LARGE1: variants seen among roughly 807,000 people sequenced by gnomAD.
LARGE1 encodes the protein xylosyl- and glucuronyltransferase LARGE1.
Under a neutral mutation model 87.6 loss-of-function variants are expected in LARGE1, and 43 were observed. That is an observed-to-expected ratio of 0.49 (90% CI 0.38 to 0.63). The LOEUF is 0.63. Among genes scored for constraint, LARGE1 ranks in the 30% least tolerant of loss-of-function variants. The pLI is 0.00. For missense variants in LARGE1, 802 were observed against 1,000.2 expected, an observed-to-expected ratio of 0.80 and a Z score of 2.67; for synonymous variants, 434 against 394.6, an observed-to-expected ratio of 1.10 and a Z score of -1.18.
At chr22:33,079,681 C>T in the LARGE1 span, among the ~76,000 whole-genome samples, 14 of 152,262 alleles carry the variant, frequency 9.2e-5, no homozygotes, top group Admixed American at 4.6e-4. Context: ...CAACCCAGTT[C>T]GTTTAAGGAA....
At chr22:33,289,997 G>A (rs1480682159) in intron 12 of LARGE1, among the ~76,000 whole-genome samples, 3 of 152,142 alleles carry the variant, frequency 2.0e-5, no homozygotes, top group Non-Finnish European at 4.4e-5. Flanking sequence ...GGGTAGGGGT[G>A]GGTGCAGATG....
At chr22:33,172,902 C>A (rs1158426935) in intron 11 of LARGE1, among the ~76,000 whole-genome samples, 1 of 152,148 alleles carries the variant, frequency 6.6e-6, no homozygotes, top group Non-Finnish European at 1.5e-5. Context: ...CTGAAAGTGA[C>A]AGGGAGAATG....
the LARGE1 span, among the ~76,000 whole-genome samples, chr22:33,133,335 C>G: frequency 6.6e-6 from 1 of 152,160 alleles, no homozygotes; most frequent in Non-Finnish European, 1.5e-5. Flanking sequence ...CCCCTAGTCC[C>G]CTGCCCCTGA....
intron 11 of LARGE1, among the ~76,000 whole-genome samples, chr22:33,307,491 C>A (rs906398212): frequency 6.6e-6 from 1 of 152,188 alleles, no homozygotes; most frequent in Non-Finnish European, 1.5e-5. Flanking sequence ...CCCACTCTTT[C>A]CCCTCCTCAG....
intron 6 of LARGE1, among the ~76,000 whole-genome samples, chr22:33,503,828 AAAAAC>A (rs1213985919): frequency 2.0e-5 from 3 of 151,924 alleles, no homozygotes; most frequent in Non-Finnish European, 2.9e-5. Context: ...AAAAACACCA[AAAAAC>A]AAAACAAAAC....
At chr22:33,862,571 G>A (rs973692432) in intron 1 of LARGE1, among the ~76,000 whole-genome samples, 6 of 152,116 alleles carry the variant, frequency 3.9e-5, no homozygotes, top group African/African-American at 1.4e-4. Flanking sequence ...TGACCGCCAG[G>A]GCCGAATCAC....
chr22:33,114,235 A>G, the LARGE1 span, among the ~76,000 whole-genome samples: 5 of 152,278 alleles, frequency 3.3e-5, no homozygotes, highest in African/African-American at 4.8e-5. Context: ...TAGCTAATAG[A>G]GGCTAAATGC....
intron 6 of LARGE1, among the ~76,000 whole-genome samples, chr22:33,483,257 C>A (rs566326491): frequency 7.2e-5 from 11 of 152,224 alleles, no homozygotes; most frequent in Middle Eastern, 3.4e-3. Context: ...TTCAGAGGAC[C>A]CCAATACGGG....
chr22:33,656,061 G>A lies in LARGE1; in HGVS notation c.107-5393C>T, dbSNP rs554158748. 1.2e-4 allele frequency among the ~76,000 whole-genome samples: 5 copies of A among 43,318 alleles called. No individual in the cohort carries two copies. The South Asian group carries it at 5.0e-3, about 43-fold the overall frequency. The allele number at this position is 43,318 out of a possible 152,430, so 28.4% of individuals were successfully genotyped here. On this transcript the variant is annotated intron_variant, in intron 2 of 14. Coordinates refer to ENST00000397394, the MANE Select transcript of LARGE1 (RefSeq NM_133642.5). ...GGGACATGGGAGCATAAGCATGAGTGTGTGTGTGTGTGTGTGTGTGTGTAC... is the reference window on the plus strand; with the variant it reads ...GGGACATGGGAGCATAAGCATGAGTATGTGTGTGTGTGTGTGTGTGTGTAC...
chr22:33,390,940 G>T (rs1048918796), intron 7 of LARGE1, among the ~76,000 whole-genome samples: 1 of 152,004 alleles, frequency 6.6e-6, no homozygotes, highest in Non-Finnish European at 1.5e-5. Context: ...CAAGTGATCC[G>T]CCCACCTTGG....
At chr22:33,140,815 C>T in the LARGE1 span, among the ~76,000 whole-genome samples, 4 of 152,254 alleles carry the variant, frequency 2.6e-5, no homozygotes, top group East Asian at 1.9e-4. Context: ...AGCTTGCAGA[C>T]GGCCTATTGT....
chr22:33,657,640 C>A (rs1173239822), intron 2 of LARGE1, among the ~76,000 whole-genome samples: 1 of 152,102 alleles, frequency 6.6e-6, no homozygotes, highest in African/African-American at 2.4e-5. Context: ...GGATCCTGTC[C>A]TAGAACATTG....
intron 1 of LARGE1, among the ~76,000 whole-genome samples, chr22:33,898,874 GCCT>G (rs1385310294): frequency 3.9e-5 from 6 of 152,178 alleles, no homozygotes; most frequent in Non-Finnish European, 2.9e-5. Context: ...GTTCCCTCCT[GCCT>G]CCTCATTCCC....
chr22:33,547,366 T>C (rs1265718714), intron 6 of LARGE1, among the ~76,000 whole-genome samples: 1 of 150,820 alleles, frequency 6.6e-6, no homozygotes, highest in Admixed American at 6.6e-5. Flanking sequence ...TGCGCTACTA[T>C]GGGAATCTAA....
At position 33,493,253 on chromosome 22, in the gene LARGE1, C is replaced by T. The variant is rs1419031347; in HGVS notation, c.788-60988G>A. On this transcript the variant is annotated intron_variant, in intron 6 of 14. Transcript: ENST00000397394. ...TCGGCTCGCTGCAACCTTCACCTCC[C>T]GGGTTCAAGTGATTCTCCTGCCTCA... is the stretch of plus-strand genomic sequence containing the variant. 7.3e-5 allele frequency among the ~76,000 whole-genome samples: 11 copies of T among 151,284 alleles called. No homozygotes were observed. The East Asian group carries it at 7.8e-4, about 11-fold the overall frequency.
At chr22:33,633,868 G>T (rs765431451) in intron 3 of LARGE1, among the ~76,000 whole-genome samples, 1 of 152,178 alleles carries the variant, frequency 6.6e-6, no homozygotes, top group Non-Finnish European at 1.5e-5. Flanking sequence ...AGGCAGCAGC[G>T]AGGGTCAGAG....
intron 1 of LARGE1, among the ~76,000 whole-genome samples, chr22:33,839,942 A>G (rs1378956197): frequency 6.6e-6 from 1 of 152,108 alleles, no homozygotes; most frequent in Non-Finnish European, 1.5e-5. Flanking sequence ...GATGCATTCA[A>G]CCCTAAAGCC....
At chr22:33,487,851 G>T (rs1459576906) in intron 6 of LARGE1, among the ~76,000 whole-genome samples, 2 of 152,176 alleles carry the variant, frequency 1.3e-5, no homozygotes, top group Non-Finnish European at 2.9e-5. Flanking sequence ...TATCTGCAAA[G>T]TGGAGATCAT....
At chr22:33,899,360 C>T (rs2065226823) in intron 1 of LARGE1, among the ~76,000 whole-genome samples, 2 of 152,170 alleles carry the variant, frequency 1.3e-5, no homozygotes, top group South Asian at 4.1e-4. Flanking sequence ...TGTTGAGCGG[C>T]CTCTTGGGAG....
Sources: gnomAD v4.1 joint callset for allele counts (sites outside exome capture counted in the v4.1 genomes callset) on GRCh38, gnomAD v4.1.1 for gene constraint, MANE v1.5 for transcripts, NCBI Gene and HGNC (gene_info 2026-07-23, HGNC 2026-07-21) for gene names.